OOEP: variants seen among roughly 807,000 people sequenced by gnomAD.
OOEP encodes the protein oocyte-expressed protein homolog.
A neutral mutation model predicts 13.7 loss-of-function variants in OOEP; 16 were observed. That is an observed-to-expected ratio of 1.16 (90% CI 0.79 to 1.77). OOEP has a LOEUF of 1.77. Among genes scored for constraint, OOEP ranks in the 40% most tolerant of loss-of-function variants. The pLI is 0.00. For missense variants in OOEP, 195 were observed against 193.1 expected (o/e 1.01, Z -0.06); for synonymous variants, 89 against 77.1 (o/e 1.15, Z -0.81).
chr6:73,369,642 C>G lies in OOEP; in HGVS notation c.151G>C (p.Val51Leu). Residue 51 changes from valine (V) to leucine (L), a missense_variant, in exon 1 of 3, where the codon GTG becomes CTG. Val to Leu is a conservative substitution (Grantham distance 32). Coordinates refer to ENST00000370359, the MANE Select transcript of OOEP (RefSeq NM_001080507.3). ...FPVQELRDPL[V>L]FYLEAWLADE... ...GCCAGCCATGCCTCTAGGTAGAACACCAAAGGGTCTCTCAGTTCCTGCACC... is the reference window on the plus strand; with the variant it reads ...GCCAGCCATGCCTCTAGGTAGAACAGCAAAGGGTCTCTCAGTTCCTGCACC... 6.2e-7 allele frequency: 1 copy of G among 1,614,058 alleles called. No homozygotes were observed.
chr6:73,390,140 C>A (rs1769327521), intron 2 of OOEP, among the ~76,000 whole-genome samples: 1 of 152,082 alleles, frequency 6.6e-6, no homozygotes, highest in East Asian at 1.9e-4. Flanking sequence ...GATCCCGCCA[C>A]TGCACTCCAG....
chr6:73,389,842 T>C (rs1205404647), intron 2 of OOEP, among the ~76,000 whole-genome samples: 2 of 152,160 alleles, frequency 1.3e-5, no homozygotes, highest in African/African-American at 2.4e-5. Flanking sequence ...ACTTAAAGTA[T>C]AATAATAAAT....
upstream of OOEP, among the ~76,000 whole-genome samples, chr6:73,373,497 G>A (rs1051275289): frequency 6.6e-6 from 1 of 151,906 alleles, no homozygotes; most frequent in Admixed American, 6.6e-5. Context: ...GGCTCAAGCA[G>A]TCCTCCTGCC....
intron 2 of OOEP, chr6:73,391,799 T>A (rs942247340): frequency 1.3e-5 from 2 of 152,240 alleles, no homozygotes; most frequent in Non-Finnish European, 2.9e-5. Context: ...TGAGGCACCA[T>A]GAAAAGGAGA....
chr6:73,394,773 G>GA, exon 1 of OOEP: 1 of 1,278,172 alleles, frequency 7.8e-7, no homozygotes, highest in Non-Finnish European at 1.1e-6. Context: ...GAGCGTGGGC[G>GA]GGGGGGCTAG....
chr6:73,385,598 T>A (rs555472883), intron 2 of OOEP, among the ~76,000 whole-genome samples: 1 of 151,682 alleles, frequency 6.6e-6, no homozygotes, highest in African/African-American at 2.4e-5. Flanking sequence ...AAGCTCTCTT[T>A]TTTTTTTTTT....
intron 2 of OOEP, among the ~76,000 whole-genome samples, chr6:73,390,336 G>T (rs1028040620): frequency 6.6e-6 from 1 of 151,976 alleles, no homozygotes; most frequent in Non-Finnish European, 1.5e-5. Context: ...AAGTATTGTC[G>T]TCTCTTGGGA....
intron 2 of OOEP, among the ~76,000 whole-genome samples, chr6:73,375,565 T>C (rs1769126489): frequency 1.3e-5 from 2 of 150,120 alleles, no homozygotes; most frequent in African/African-American, 4.9e-5. Context: ...GGACTCTCTT[T>C]TCCTTATATA....
At chr6:73,382,989 A>G (rs983094505) in intron 2 of OOEP, among the ~76,000 whole-genome samples, 1 of 148,972 alleles carries the variant, frequency 6.7e-6, no homozygotes, top group African/African-American at 2.5e-5. Context: ...GGCATGCGCC[A>G]CCATGCACGT....
intron 2 of OOEP, among the ~76,000 whole-genome samples, chr6:73,377,814 A>G (rs1383774850): frequency 1.3e-5 from 2 of 152,130 alleles, no homozygotes; most frequent in African/African-American, 2.4e-5. Flanking sequence ...ACTACAGGTG[A>G]GTGCAACCAC....
At chr6:73,377,510 T>G (rs976292976) in intron 2 of OOEP, among the ~76,000 whole-genome samples, 1 of 152,194 alleles carries the variant, frequency 6.6e-6, no homozygotes, top group East Asian at 1.9e-4. Flanking sequence ...GCTATGCAAC[T>G]TCCTCTCTAC....
At chr6:73,380,507 A>G (rs1256415942) in intron 2 of OOEP, among the ~76,000 whole-genome samples, 1 of 152,184 alleles carries the variant, frequency 6.6e-6, no homozygotes, top group East Asian at 1.9e-4. Context: ...CCATACAATG[A>G]AATGTTATAT....
At chr6:73,378,451 C>A (rs1225906396) in intron 2 of OOEP, among the ~76,000 whole-genome samples, 2 of 152,042 alleles carry the variant, frequency 1.3e-5, no homozygotes, top group African/African-American at 2.4e-5. Flanking sequence ...ATGTTTGGGT[C>A]CCCCTGCTCT....
rs368224203 is a variant in OOEP, at chr6:73,369,716, C to T, written c.77G>A (p.Arg26Lys). 67 of 1,613,928 alleles carry T rather than the reference C, an allele frequency of 4.2e-5. No homozygotes were observed. Among genetic ancestry groups the T allele is most frequent in the Non-Finnish European group, 5.5e-5 (65 of 1,179,896 alleles). Residue 26 changes from arginine (R) to lysine (K), a missense_variant, in exon 1 of 3, where the codon AGG becomes AAG. Coordinates refer to ENST00000370359, the MANE Select transcript of OOEP (RefSeq NM_001080507.3). ...AATCTGTGGCGGCGGAAGTGGTAAC[C>T]TACGCAGCTGCTCCAGGGAGTGGGC... Reference protein sequence around the residue: ...TPAHSLEQLRRLPLPPPQIRI... With the variant: ...TPAHSLEQLRKLPLPPPQIRI...
intron 2 of OOEP, among the ~76,000 whole-genome samples, chr6:73,392,461 T>C (rs1159736264): frequency 6.6e-6 from 1 of 151,890 alleles, no homozygotes; most frequent in Non-Finnish European, 1.5e-5. Context: ...TTCGCCACCA[T>C]GCCTGGCTAA....
intron 2 of OOEP, among the ~76,000 whole-genome samples, chr6:73,376,818 AT>A (rs1267481148): frequency 6.6e-6 from 1 of 152,020 alleles, no homozygotes; most frequent in East Asian, 1.9e-4. Flanking sequence ...TGCCTGGCTA[AT>A]TTTTGTATTT....
At chr6:73,369,181 C>A in intron 2 of OOEP, 25 bp downstream of exon 2, 1 of 1,596,322 alleles carries the variant, frequency 6.3e-7, no homozygotes, top group Non-Finnish European at 8.5e-7. Context: ...GCTTCCTCCA[C>A]ATGCAGGTTC....
rs537622156 is a variant in OOEP at position 73,394,616 on chromosome 6, T to TG, written c.-119+102dup. ...CCCACGCCTGGAAAGGAATACACAG[T>TG]GGGGGGGTGGGGGGCGGGGCACATC... On this transcript the variant is annotated intron_variant, in intron 1 of 3. Transcript: ENST00000370363. 1,302 of 251,384 alleles carry TG rather than the reference T, an allele frequency of 5.2e-3. 14 individuals are homozygous for TG. The highest frequency in any genetic ancestry group is 0.036 in the African/African-American group (1,022 of 28,232). 15.6% of individuals were successfully genotyped at this position (251,384 alleles called of 1,614,324 possible).
intron 1 of OOEP, 79 bp from the exon 2 acceptor site, chr6:73,369,464 G>A: frequency 6.6e-7 from 1 of 1,526,444 alleles, no homozygotes; most frequent in Non-Finnish European, 8.9e-7. Flanking sequence ...GTTGGCCAGG[G>A]AAGGGAAGAA....
Sources: gnomAD v4.1 joint callset for allele counts (sites outside exome capture counted in the v4.1 genomes callset) on GRCh38, gnomAD v4.1.1 for gene constraint, MANE v1.5 for transcripts, NCBI Gene and HGNC (gene_info 2026-07-23, HGNC 2026-07-21) for gene names.